The following PKIB variants were observed in gnomAD, a reference collection of about 807,000 sequenced individuals.
PKIB encodes cAMP-dependent protein kinase inhibitor beta.
Under a neutral mutation model 4.5 loss-of-function variants are expected in PKIB, and 2 were observed. The ratio of observed to expected loss-of-function variants is 0.44; its 90% CI spans 0.18 to 1.39. The LOEUF is 1.39. Ranked by LOEUF, PKIB falls within the 40% of genes most tolerant of loss-of-function variation. PKIB has a pLI of 0.27. For missense variants in PKIB, 94 were observed against 92.6 expected (o/e 1.02, Z -0.06); for synonymous variants, 38 against 36.0 (o/e 1.06, Z -0.20).
chr6:122,478,704 T>C (rs1449507009), intron 2 of PKIB: 2 of 152,124 alleles, frequency 1.3e-5, no homozygotes, highest in Non-Finnish European at 2.9e-5. Flanking sequence ...CTTTTCCCAT[T>C]GGATATTTAT....
At chr6:122,605,353 T>C (rs1273069039), upstream of PKIB, among the ~76,000 whole-genome samples, 3 of 151,934 alleles carry the variant, frequency 2.0e-5, no homozygotes, top group African/African-American at 7.3e-5. Context: ...AGCCAGAGAG[T>C]GTTATGCTTT....
intron 1 of PKIB, among the ~76,000 whole-genome samples, chr6:122,473,180 G>A (rs1427655518): frequency 2.6e-5 from 4 of 152,152 alleles, no homozygotes; most frequent in South Asian, 4.1e-4. Context: ...AACTTAATAC[G>A]TTATTTATGG....
At chr6:122,643,283 C>A (rs1285235323) in intron 2 of PKIB, 2 of 152,020 alleles carry the variant, frequency 1.3e-5, no homozygotes, top group East Asian at 3.9e-4. Context: ...TGCCATTAAC[C>A]AGCTATGTAA....
At chr6:122,591,535 C>G (rs1389672577) in intron 3 of PKIB, among the ~76,000 whole-genome samples, 2 of 151,922 alleles carry the variant, frequency 1.3e-5, no homozygotes, top group Non-Finnish European at 2.9e-5. Context: ...ATTCATTTAG[C>G]CAATGAGATT....
At chr6:122,506,646 A>G (rs1776407473) in intron 2 of PKIB, among the ~76,000 whole-genome samples, 1 of 150,754 alleles carries the variant, frequency 6.6e-6, no homozygotes. Flanking sequence ...CCAATTAATG[A>G]CGATTTTATA....
intron 3 of PKIB, among the ~76,000 whole-genome samples, chr6:122,686,608 C>T (rs889864495): frequency 6.6e-6 from 1 of 151,912 alleles, no homozygotes; most frequent in African/African-American, 2.4e-5. Flanking sequence ...AGCAGTCCCC[C>T]CACCTCGCCT....
intron 2 of PKIB, among the ~76,000 whole-genome samples, chr6:122,584,405 A>T (rs971220880): frequency 6.6e-6 from 1 of 152,158 alleles, no homozygotes; most frequent in Non-Finnish European, 1.5e-5. Context: ...GTAAGCCATA[A>T]ATAGAATTTC....
In PKIB at chr6:122,725,515, T is replaced by TATTTTTA. The variant is rs1485542198; in HGVS notation, c.*324_*330dup. The TATTTTTA allele has an allele frequency of 4.7e-6, 1 of 213,618 alleles. No individual in the cohort carries two copies. The highest frequency in any genetic ancestry group is 2.3e-5 in the African/African-American group (1 of 43,914). 13.2% of individuals were successfully genotyped at this position (213,618 alleles called of 1,614,324 possible). ...TCTTTTGGATTTATTTAGCCTGATG[T>TATTTTTA]ATTTTTAATTCAATTTTTATGGTGA... On this transcript the variant is annotated 3_prime_UTR_variant, in exon 5 of 5. Coordinates refer to ENST00000368452, the MANE Select transcript of PKIB (RefSeq NM_181795.3).
chr6:122,637,588 C>T (rs1775974709), intron 2 of PKIB, among the ~76,000 whole-genome samples: 1 of 151,940 alleles, frequency 6.6e-6, no homozygotes, highest in South Asian at 2.1e-4. Flanking sequence ...AACCCTATCT[C>T]TACTAAAAAT....
Position 122,536,741 on chromosome 6 carries a change from A to T in PKIB, c.-247-49180A>T, listed in dbSNP as rs1020873057. On this transcript the variant is annotated intron_variant, in intron 2 of 6. Coordinates refer to the PKIB transcript ENST00000392491. ...TATGTACCAGTTGACATAAAGACTA[A>T]CATTAATAATAATAATATTAAAACA... 3.3e-5 allele frequency among the ~76,000 whole-genome samples: 5 copies of T among 152,100 alleles called. No individual in the cohort carries two copies. In the East Asian group the frequency reaches 9.6e-4, roughly 29 times the overall value.
At chr6:122,693,165 T>A (rs909715802) in intron 3 of PKIB, among the ~76,000 whole-genome samples, 2 of 152,190 alleles carry the variant, frequency 1.3e-5, no homozygotes, top group Non-Finnish European at 2.9e-5. Context: ...GACGTATAAT[T>A]AATTTCAGGG....
intron 1 of PKIB, among the ~76,000 whole-genome samples, chr6:122,631,949 C>T (rs979081764): frequency 1.3e-5 from 2 of 152,072 alleles, no homozygotes; most frequent in African/African-American, 4.8e-5. Context: ...ACGTATAGTT[C>T]TTGGGTTTTA....
intron 2 of PKIB, among the ~76,000 whole-genome samples, chr6:122,582,296 C>A (rs1178991827): frequency 6.6e-6 from 1 of 151,876 alleles, no homozygotes; most frequent in African/African-American, 2.4e-5. Context: ...CCCTTATTTT[C>A]TCCTATTTGC....
intron 2 of PKIB, among the ~76,000 whole-genome samples, chr6:122,637,584 A>C (rs1212342703): frequency 6.6e-6 from 1 of 151,854 alleles, no homozygotes; most frequent in African/African-American, 2.4e-5. Context: ...CTGAAACCCT[A>C]TCTCTACTAA....
chr6:122,614,570 T>C (rs1582739425), intron 1 of PKIB, among the ~76,000 whole-genome samples: 1 of 152,020 alleles, frequency 6.6e-6, no homozygotes, highest in South Asian at 2.1e-4. Flanking sequence ...TCTTTTTTTT[T>C]GGATAAAGTA....
chr6:122,545,183 T>C (rs775716962), intron 2 of PKIB, among the ~76,000 whole-genome samples: 1 of 151,994 alleles, frequency 6.6e-6, no homozygotes, highest in South Asian at 2.1e-4. Flanking sequence ...AAAAGACACA[T>C]GCACATATGT....
At chr6:122,541,010 C>T (rs1582686339) in intron 2 of PKIB, among the ~76,000 whole-genome samples, 3 of 150,752 alleles carry the variant, frequency 2.0e-5, no homozygotes, top group African/African-American at 7.3e-5. Flanking sequence ...CAACCCCTGC[C>T]TTTTTTTTGT....
chr6:122,547,310 A>G (rs536821893), intron 2 of PKIB, among the ~76,000 whole-genome samples: 1 of 152,032 alleles, frequency 6.6e-6, no homozygotes, highest in South Asian at 2.1e-4. Context: ...CAGATAAAGT[A>G]TGGTTTTATT....
At chr6:122,667,836 G>GAAA (rs1770451886) in intron 2 of PKIB, among the ~76,000 whole-genome samples, 6 of 152,146 alleles carry the variant, frequency 3.9e-5, no homozygotes, top group Admixed American at 3.9e-4. Flanking sequence ...AGATTGATCT[G>GAAA]AGTGGCTTTC....
Sources: allele counts gnomAD v4.1 joint callset (sites outside exome capture counted in the v4.1 genomes callset), GRCh38; gene constraint gnomAD v4.1.1; transcripts MANE v1.5; gene names NCBI Gene and HGNC (gene_info 2026-07-23, HGNC 2026-07-21).